The following PTGFRN variants were observed in gnomAD, a reference collection of about 807,000 sequenced individuals.
PTGFRN encodes the protein prostaglandin F2 receptor negative regulator.
A neutral mutation model predicts 83.2 loss-of-function variants in PTGFRN; 35 were observed. The ratio of observed to expected loss-of-function variants is 0.42; its 90% CI spans 0.32 to 0.56. PTGFRN has a LOEUF of 0.56. Among genes scored for constraint, PTGFRN ranks in the 20% least tolerant of loss-of-function variants. The pLI is 0.11. For synonymous variants in PTGFRN, 519 were observed against 498.6 expected, an observed-to-expected ratio of 1.04 and a Z score of -0.55; for missense variants, 1,051 against 1,179.5, an observed-to-expected ratio of 0.89 and a Z score of 1.60.
rs748912805 is a variant in PTGFRN, at chr1:116,988,818, C to T, written c.*1851C>T. On this transcript the variant is annotated 3_prime_UTR_variant, in exon 9 of 9. Coordinates refer to ENST00000393203, the MANE Select transcript of PTGFRN (RefSeq NM_020440.4). Reference sequence around the variant, plus strand: ...ACAGTAGCCTTTCCTTGGCCCGGGCCTGTGGTGGGAAGACGGGCAACAAGT... The same window carrying T: ...ACAGTAGCCTTTCCTTGGCCCGGGCTTGTGGTGGGAAGACGGGCAACAAGT... 1 of 152,510 alleles carries T rather than the reference C, an allele frequency of 6.6e-6. No individual in the cohort carries two copies. The highest frequency in any genetic ancestry group is 1.5e-5 in the Non-Finnish European group (1 of 68,050). The allele number at this position is 152,510 out of a possible 1,614,324, so 9.4% of individuals were successfully genotyped here.
Position 116,987,033 on chromosome 1 carries a change from A to C in PTGFRN, c.*66A>C. 1 of 1,579,070 alleles carries C rather than the reference A, an allele frequency of 6.3e-7. No homozygotes were observed. Among genetic ancestry groups the C allele is most frequent in the East Asian group, 2.2e-5 (1 of 44,624 alleles). Reference sequence around the variant, plus strand: ...CAATTGGGGCAAGAAGAGGACAGTGATATTTTAAAACAAAGTGTGTTACAC... The same window carrying C: ...CAATTGGGGCAAGAAGAGGACAGTGCTATTTTAAAACAAAGTGTGTTACAC... On this transcript the variant is annotated 3_prime_UTR_variant, in exon 9 of 9. Transcript: ENST00000393203.
intron 1 of PTGFRN, among the ~76,000 whole-genome samples, chr1:116,917,516 G>A (rs552657160): frequency 6.0e-4 from 92 of 152,278 alleles, no homozygotes; most frequent in African/African-American, 2.1e-3. Context: ...CATGGAGAGA[G>A]CAGTTTGATA....
chr1:116,949,283 C>T lies in PTGFRN; in HGVS notation c.924C>T (p.Asp308=), dbSNP rs776623147. The T allele has an allele frequency of 8.7e-6, 14 of 1,614,150 alleles. No homozygotes were observed. Among genetic ancestry groups the T allele is most frequent in the African/African-American group, 5.3e-5 (4 of 74,956 alleles). ...TCNITTDRAD[D]VRPEVTWSFS... is the part of the protein sequence containing the mutation. ...ACATCACAACAGACCGAGCCGATGA[C>T]GTCCGGCCCGAGGTGACGTGGTCCT... Residue 308 remains aspartate, a synonymous_variant, in exon 4 of 9, where the codon GAC becomes GAT. Coordinates refer to ENST00000393203, the MANE Select transcript of PTGFRN (RefSeq NM_020440.4).
intron 4 of PTGFRN, among the ~76,000 whole-genome samples, chr1:116,950,788 A>C (rs1300953644): frequency 6.6e-6 from 1 of 152,194 alleles, no homozygotes; most frequent in Non-Finnish European, 1.5e-5. Flanking sequence ...GGTGTTCATC[A>C]GCCCTGTTAG....
intron 3 of PTGFRN, among the ~76,000 whole-genome samples, chr1:116,945,561 C>T (rs930044369): frequency 1.3e-5 from 2 of 152,114 alleles, no homozygotes; most frequent in Non-Finnish European, 2.9e-5. Context: ...CATCCCAAAA[C>T]CTTTCATCTA....
intron 1 of PTGFRN, among the ~76,000 whole-genome samples, chr1:116,912,006 C>T (rs1570639879): frequency 6.6e-6 from 1 of 152,176 alleles, no homozygotes; most frequent in Admixed American, 6.5e-5. Context: ...GAATAACTCC[C>T]CCTAGAGCTG....
chr1:116,970,438 G>A (rs1417359745), intron 6 of PTGFRN, among the ~76,000 whole-genome samples: 1 of 151,974 alleles, frequency 6.6e-6, no homozygotes. Flanking sequence ...TTGTTTTGCT[G>A]TCTGTAGGAA....
rs574978640 is a variant in PTGFRN, at chr1:116,923,890, G to T, written c.49+13638G>T. On this transcript the variant is annotated intron_variant, in intron 1 of 8. Transcript: ENST00000393203. This position sits in a 1 kb window ranked among gnomAD's most constrained non-coding sequence, Gnocchi z 4.0. ...GGATCTGGGGGCACCTAAAAACATA[G>T]ATCGACACAGTCCTTTGACTCCTCC... 6.6e-6 allele frequency among the ~76,000 whole-genome samples: 1 copy of T among 152,234 alleles called. No individual in the cohort carries two copies. The highest frequency in any genetic ancestry group is 1.9e-4 in the East Asian group (1 of 5,172).
intron 6 of PTGFRN, among the ~76,000 whole-genome samples, chr1:116,972,585 C>A (rs977377276): frequency 2.0e-5 from 3 of 152,168 alleles, no homozygotes; most frequent in Admixed American, 6.5e-5. Context: ...ATACTTGTTT[C>A]TTTCTGGCAA....
intron 4 of PTGFRN, among the ~76,000 whole-genome samples, chr1:116,951,498 C>T (rs781020310): frequency 1.9e-4 from 29 of 152,110 alleles, no homozygotes; most frequent in South Asian, 1.5e-3. Flanking sequence ...ATTAGCTGAA[C>T]GGGTAAATAA....
intron 5 of PTGFRN, among the ~76,000 whole-genome samples, chr1:116,965,642 C>T (rs1235187419): frequency 2.0e-5 from 3 of 152,156 alleles, no homozygotes; most frequent in Admixed American, 1.3e-4. Flanking sequence ...ACTCTATTTA[C>T]GGTTGTGGCA....
At chr1:116,981,635 G>T (rs1276417149) in intron 7 of PTGFRN, among the ~76,000 whole-genome samples, 1 of 152,252 alleles carries the variant, frequency 6.6e-6, no homozygotes, top group Non-Finnish European at 1.5e-5. Flanking sequence ...GAATGTTCAG[G>T]TCAGCAAATA....
chr1:116,910,509 A>T (rs960513582), intron 1 of PTGFRN, among the ~76,000 whole-genome samples: 1 of 151,596 alleles, frequency 6.6e-6, no homozygotes, highest in Non-Finnish European at 1.5e-5. Context: ...CGCCCCCAAC[A>T]TGTGCCGGGG....
At chr1:116,975,802 A>G (rs1651134145) in intron 7 of PTGFRN, among the ~76,000 whole-genome samples, 1 of 152,210 alleles carries the variant, frequency 6.6e-6, no homozygotes, top group Non-Finnish European at 1.5e-5. Context: ...TGAAAATTCT[A>G]AAAATCAGAG....
intron 6 of PTGFRN, among the ~76,000 whole-genome samples, chr1:116,968,967 G>T (rs1650915685): frequency 6.6e-6 from 1 of 152,032 alleles, no homozygotes; most frequent in East Asian, 1.9e-4. Flanking sequence ...TGGACGTTTA[G>T]ACTATCTCTA....
chr1:116,986,071 T>C lies in PTGFRN; in HGVS notation c.2474-730T>C, dbSNP rs140070849. 3.7e-3 allele frequency among the ~76,000 whole-genome samples: 565 copies of C among 152,302 alleles called. 3 individuals are homozygous for C. The highest frequency in any genetic ancestry group is 0.013 in the African/African-American group (549 of 41,566). The stretch of plus-strand genomic sequence containing the variant: ...AGCTCTTCCACAGACTACTTAGCCT[T>C]TCTGATCCATTTTCTCTCGTAAAAT... On this transcript the variant is annotated intron_variant, in intron 8 of 8. Transcript: ENST00000393203.
At chr1:116,929,013 C>T (rs1369172246) in intron 1 of PTGFRN, among the ~76,000 whole-genome samples, 2 of 152,262 alleles carry the variant, frequency 1.3e-5, no homozygotes, top group Admixed American at 1.3e-4. Context: ...TACTCCACTG[C>T]ACTTCCACTT....
chr1:116,926,525 A>T (rs1437310224), intron 1 of PTGFRN, among the ~76,000 whole-genome samples: 1 of 152,168 alleles, frequency 6.6e-6, no homozygotes, highest in African/African-American at 2.4e-5. Flanking sequence ...ATTTTGGTTA[A>T]TCATCAGTAC....
intron 1 of PTGFRN, among the ~76,000 whole-genome samples, chr1:116,917,853 C>T (rs892930901): frequency 8.5e-5 from 13 of 152,080 alleles, no homozygotes; most frequent in African/African-American, 1.9e-4. Flanking sequence ...AAACTCCTGG[C>T]CTCAAGTGAT....
Sources: gnomAD v4.1 joint callset for allele counts (sites outside exome capture counted in the v4.1 genomes callset) on GRCh38, gnomAD v4.1.1 for gene constraint, Gnocchi (gnomAD v3.1) non-coding constraint, MANE v1.5 for transcripts, NCBI Gene and HGNC (gene_info 2026-07-23, HGNC 2026-07-21) for gene names.